The following NNT variants were observed in gnomAD, a reference collection of about 807,000 sequenced individuals.
NNT encodes NAD(P) transhydrogenase, mitochondrial.
In NNT, 50 loss-of-function variants were observed where a neutral mutation model predicts 104.8. The observed-to-expected ratio is 0.48, with a 90% CI of 0.38 to 0.60. The LOEUF is 0.60. Among genes scored for constraint, NNT ranks in the 20% least tolerant of loss-of-function variants. The pLI, the probability that NNT is intolerant of heterozygous loss-of-function variation, is 0.00. For synonymous variants in NNT, 461 were observed against 490.4 expected, an observed-to-expected ratio of 0.94 and a Z score of 0.79; for missense variants, 1,131 against 1,330.7, an observed-to-expected ratio of 0.85 and a Z score of 2.33.
In NNT at chr5:43,653,208, C is replaced by T; in HGVS notation, c.2054C>T (p.Thr685Ile). 1 of 1,612,580 alleles carries T rather than the reference C, an allele frequency of 6.2e-7. No individual in the cohort carries two copies. Among genetic ancestry groups the T allele is most frequent in the Admixed American group, 1.7e-5 (1 of 59,940 alleles). ...QMSGAMALGG[T>I]IGLTIAKRIQ... is the part of the protein sequence containing the mutation. Reference sequence around the variant, plus strand: ...TCTGGAGCGATGGCTTTGGGTGGTACCATTGGTAAGCACTTGTGGGCTTCT... The same window carrying T: ...TCTGGAGCGATGGCTTTGGGTGGTATCATTGGTAAGCACTTGTGGGCTTCT... The change falls in exon 14 of 22, where the codon ACC becomes ATC. Residue 685 changes from threonine to isoleucine, a missense_variant. By Grantham distance (89) the Thr-to-Ile change is moderately conservative. Transcript: ENST00000344920.
chr5:43,653,460 G>A (rs537484598), intron 14 of NNT: 63 of 387,846 alleles, frequency 1.6e-4, no homozygotes, highest in South Asian at 1.6e-3. Context: ...ACTGTGTCCC[G>A]TTAGCTGATA....
intron 7 of NNT, among the ~76,000 whole-genome samples, chr5:43,639,976 A>T (rs1283339423): frequency 6.6e-6 from 1 of 151,774 alleles, no homozygotes; most frequent in African/African-American, 2.4e-5. Flanking sequence ...TGTGTATCTC[A>T]TCTTTTGCAG....
At chr5:43,621,777 G>A (rs1272812182) in intron 5 of NNT, among the ~76,000 whole-genome samples, 1 of 152,196 alleles carries the variant, frequency 6.6e-6, no homozygotes, top group African/African-American at 2.4e-5. Flanking sequence ...CACTTTAGTA[G>A]AGTGATGGGG....
At chr5:43,693,916 CTTAGAG>C (rs1447562628) in intron 19 of NNT, among the ~76,000 whole-genome samples, 1 of 152,138 alleles carries the variant, frequency 6.6e-6, no homozygotes, top group Non-Finnish European at 1.5e-5. Flanking sequence ...TTAAAATAAT[CTTAGAG>C]TATTAATAGT....
chr5:43,644,356 C>G, intron 8 of NNT, 31 bp downstream of exon 8: 2 of 1,607,214 alleles, frequency 1.2e-6, no homozygotes, highest in Non-Finnish European at 1.7e-6. Flanking sequence ...TATCTGTGAT[C>G]ACTTCTCATG....
At chr5:43,685,939 A>G (rs938342301) in intron 19 of NNT, among the ~76,000 whole-genome samples, 1 of 152,284 alleles carries the variant, frequency 6.6e-6, no homozygotes, top group South Asian at 2.1e-4. Context: ...ATATTATAAA[A>G]GAGGCTTTTA....
At chr5:43,650,412 C>A in intron 11 of NNT, 65 bp from the exon 12 acceptor site, 1 of 1,162,156 alleles carries the variant, frequency 8.6e-7, no homozygotes, top group Non-Finnish European at 1.3e-6. Flanking sequence ...TGAGGTACTT[C>A]AGCTATGATA....
At chr5:43,702,836 T>C in intron 21 of NNT, 100 bp downstream of exon 21, 1 of 813,658 alleles carries the variant, frequency 1.2e-6, no homozygotes, top group Non-Finnish European at 1.9e-6. Flanking sequence ...GATGATGCCT[T>C]CTAGGAGGCC....
At chr5:43,693,468 T>A (rs1742395042) in intron 19 of NNT, among the ~76,000 whole-genome samples, 1 of 152,218 alleles carries the variant, frequency 6.6e-6, no homozygotes, top group South Asian at 2.1e-4. Context: ...AAAGTAGAGA[T>A]CTCAGCAGAA....
intron 6 of NNT, 102 bp downstream of exon 6, chr5:43,624,222 C>T: frequency 4.2e-6 from 4 of 952,564 alleles, no homozygotes; most frequent in Non-Finnish European, 6.9e-6. Context: ...CACATTGCAA[C>T]TGGTCTATAA....
chr5:43,663,416 G>T (rs1740475254), intron 17 of NNT, among the ~76,000 whole-genome samples: 1 of 152,116 alleles, frequency 6.6e-6, no homozygotes, highest in African/African-American at 2.4e-5. Flanking sequence ...CTACTCCTAG[G>T]CATTGTTACA....
upstream of NNT, chr5:43,603,023 C>T (rs1252330750): frequency 6.6e-6 from 1 of 151,980 alleles, no homozygotes; most frequent in Non-Finnish European, 1.5e-5. Context: ...CCTTTGAGCT[C>T]AAAGGGGCAT....
intron 7 of NNT, among the ~76,000 whole-genome samples, chr5:43,636,346 A>C (rs1402237140): frequency 1.3e-5 from 2 of 152,196 alleles, no homozygotes; most frequent in Non-Finnish European, 2.9e-5. Context: ...GTGCCTCATG[A>C]ATCCACCCAT....
chr5:43,664,859 A>G (rs1246223512), intron 17 of NNT, among the ~76,000 whole-genome samples: 1 of 152,228 alleles, frequency 6.6e-6, no homozygotes, highest in African/African-American at 2.4e-5. Flanking sequence ...AAGAGACCAC[A>G]TGGAATTGTT....
At chr5:43,669,044 T>C (rs898465314) in intron 17 of NNT, among the ~76,000 whole-genome samples, 13 of 152,192 alleles carry the variant, frequency 8.5e-5, no homozygotes, top group Non-Finnish European at 1.3e-4. Context: ...TTGAAGCAAT[T>C]GTGAATGGGA....
intron 7 of NNT, among the ~76,000 whole-genome samples, chr5:43,637,470 G>A (rs577867492): frequency 4.6e-5 from 7 of 152,218 alleles, no homozygotes; most frequent in Admixed American, 2.6e-4. Flanking sequence ...GCCTTTAGCT[G>A]CCAGAAACAG....
intron 19 of NNT, among the ~76,000 whole-genome samples, chr5:43,699,671 CA>C (rs1742749535): frequency 6.6e-6 from 1 of 152,072 alleles, no homozygotes; most frequent in Non-Finnish European, 1.5e-5. Context: ...TACCTTTGAA[CA>C]AAGTGGTTAA....
Position 43,655,886 on chromosome 5 carries a change from A to G in NNT, c.2106A>G (p.Leu702=), listed in dbSNP as rs749037555. Residue 702 remains leucine, a synonymous_variant, in exon 15 of 22, where the codon TTA becomes TTG. Transcript: ENST00000344920. The stretch of plus-strand genomic sequence containing the variant: ...TCCAGATTTCTGATTTACCTCAATT[A>G]GTTGCTGCTTTTCACAGTTTAGTGG... The part of the protein sequence containing the change: ...KRIQISDLPQ[L]VAAFHSLVGL... 7 of 1,614,108 alleles carry G rather than the reference A, an allele frequency of 4.3e-6. No individual in the cohort carries two copies. Among genetic ancestry groups the G allele is most frequent in the Non-Finnish European group, 1.7e-6 (2 of 1,180,042 alleles).
intron 5 of NNT, among the ~76,000 whole-genome samples, chr5:43,623,351 A>ATGT (rs3834841): frequency 0.11 from 16,378 of 152,054 alleles, 1,071 homozygotes; most frequent in African/African-American, 0.18. Context: ...ACTGGAGACA[A>ATGT]TGTTCTTACT....
Sources: allele counts gnomAD v4.1 joint callset (sites outside exome capture counted in the v4.1 genomes callset), GRCh38; gene constraint gnomAD v4.1.1; transcripts MANE v1.5; gene names NCBI Gene and HGNC (gene_info 2026-07-23, HGNC 2026-07-21).